Variants in CRBN observed in about 807,000 individuals in gnomAD.
CRBN encodes the protein protein cereblon.
In CRBN, 53 loss-of-function variants were observed where a neutral mutation model predicts 62.2. That is an observed-to-expected ratio of 0.85 (90% CI 0.68 to 1.07). The LOEUF is 1.07. Ranked by LOEUF, CRBN falls within the 50% of genes least tolerant of loss-of-function variation. CRBN has a pLI of 0.00. For synonymous variants in CRBN, 208 were observed against 176.1 expected (o/e 1.18, Z -1.43); for missense variants, 616 against 531.1 (o/e 1.16, Z -1.57).
chr3:3,179,366 T>C (rs1707970629), intron 1 of CRBN, among the ~76,000 whole-genome samples: 2 of 152,092 alleles, frequency 1.3e-5, no homozygotes, highest in South Asian at 4.1e-4. Context: ...ATGGAGAGGA[T>C]GGGTTTCCTG....
At chr3:3,151,220 T>C (rs1177954876) in intron 10 of CRBN, among the ~76,000 whole-genome samples, 175 bp from the exon 11 acceptor site, 5 of 152,234 alleles carry the variant, frequency 3.3e-5, no homozygotes. Context: ...AAACATTTTC[T>C]AATTTTGTAA....
At chr3:3,155,300 C>T (rs1706837067) in intron 6 of CRBN, 1 of 158,482 alleles carries the variant, frequency 6.3e-6, no homozygotes, top group African/African-American at 2.4e-5. Flanking sequence ...TGCTGAAAAG[C>T]TGCTAAAGAG....
At position 3,150,847 on chromosome 3, in the gene CRBN, T is replaced by TC; in HGVS notation, c.*17_*18insG. 2.8e-6 allele frequency: 4 copies of TC among 1,428,192 alleles called. No homozygotes were observed. Among genetic ancestry groups the TC allele is most frequent in the Non-Finnish European group, 3.9e-6 (4 of 1,028,836 alleles). The allele number at this position is 1,428,192 out of a possible 1,614,324, so 88.5% of individuals were successfully genotyped here. On this transcript the variant is annotated 3_prime_UTR_variant, in exon 11 of 11. Transcript: ENST00000231948. ...ATATAACCAATTTGTTAGATAACTTTATCTCTATCACATCTGTTTACAAGC... is the reference window on the plus strand; with the variant it reads ...ATATAACCAATTTGTTAGATAACTTTCATCTCTATCACATCTGTTTACAAGC...
chr3:3,153,082 G>A, intron 9 of CRBN: 1 of 308,926 alleles, frequency 3.2e-6, no homozygotes, highest in East Asian at 8.1e-5. Flanking sequence ...GCCCTATATG[G>A]CAAAACTGAT....
At chr3:3,155,129 CCTT>C in intron 6 of CRBN, 2 of 404,034 alleles carry the variant, frequency 5.0e-6, no homozygotes, top group Non-Finnish European at 4.5e-6. Context: ...CTCTCTTCTG[CCTT>C]CTATTAGGCC....
At chr3:3,153,322 G>A (rs1377006464) in intron 9 of CRBN, 102 bp downstream of exon 9, 1 of 728,690 alleles carries the variant, frequency 1.4e-6, no homozygotes, top group African/African-American at 1.8e-5. Flanking sequence ...CTAAATGTTT[G>A]TAACTTTAAG....
chr3:3,170,254 T>A (rs1379540097), intron 4 of CRBN, among the ~76,000 whole-genome samples: 2 of 152,230 alleles, frequency 1.3e-5, no homozygotes, highest in East Asian at 3.8e-4. Flanking sequence ...GGGCTGAAAT[T>A]ACAGGTATGA....
At chr3:3,153,263 C>G in intron 9 of CRBN, 161 bp downstream of exon 9, 2 of 581,266 alleles carry the variant, frequency 3.4e-6, no homozygotes. Flanking sequence ...AGTACCCAAT[C>G]TGGAAGATGG....
At chr3:3,166,957 C>T (rs926808430) in intron 5 of CRBN, among the ~76,000 whole-genome samples, 1 of 151,592 alleles carries the variant, frequency 6.6e-6, no homozygotes, top group African/African-American at 2.4e-5. Flanking sequence ...CTCAAAAAGC[C>T]CAATTATTCT....
chr3:3,152,990 A>G (rs1353236341), intron 9 of CRBN: 1 of 296,352 alleles, frequency 3.4e-6, no homozygotes. Flanking sequence ...TTGATTTACA[A>G]CTGATGGATT....
intron 9 of CRBN, chr3:3,153,203 T>C: frequency 2.0e-6 from 1 of 489,752 alleles, no homozygotes; most frequent in Non-Finnish European, 3.7e-6. Context: ...TTGTTTTACT[T>C]TACCATGCTC....
chr3:3,151,006 G>T lies in CRBN; in HGVS notation c.1188C>A (p.Ser396Arg). The T allele has an allele frequency of 6.2e-7, 1 of 1,613,906 alleles. No individual in the cohort carries two copies. Residue 396 changes from serine to arginine, a missense_variant, in exon 11 of 11, where the codon AGC (serine) becomes AGA (arginine). By Grantham distance (110) the Ser-to-Arg change is moderately radical (BLOSUM62 -1). Coordinates refer to ENST00000231948, the MANE Select transcript of CRBN (RefSeq NM_016302.4). ...TGGCCGTAAACTTCCATCCAATATG[G>T]CTTGCACAGATCTTACACTGGGCAA... ...WTVAQCKICA[S>R]HIGWKFTATK...
chr3:3,161,569 A>C (rs1161669529), intron 5 of CRBN, among the ~76,000 whole-genome samples: 3 of 152,168 alleles, frequency 2.0e-5, no homozygotes, highest in Non-Finnish European at 2.9e-5. Flanking sequence ...TTGTATATTT[A>C]GTAGAGACGG....
Position 3,175,206 on chromosome 3 carries a change from G to T in CRBN, c.131C>A (p.Pro44Gln). The T allele has an allele frequency of 6.2e-7, 1 of 1,613,086 alleles. No individual in the cohort carries two copies. The highest frequency in any genetic ancestry group is 8.5e-7 in the Non-Finnish European group (1 of 1,179,552). ...ACTGGTGTCAAAATTTATGATGTTT[G>T]GTTTTTTGGCTTCTTTACTATCCTG... ...EDQDSKEAKK[P>Q]NIINFDTSLP... Residue 44 changes from proline (P) to glutamine (Q), a missense_variant, in exon 2 of 11, where the codon CCA (proline) becomes CAA (glutamine). Transcript: ENST00000231948.
rs1362334579 is a variant in CRBN at position 3,150,451 on chromosome 3, A to ACAGATACGCTGTCCCATACATCAGGAT, written c.*387_*413dup. 13 of 181,778 alleles carry ACAGATACGCTGTCCCATACATCAGGAT rather than the reference A, an allele frequency of 7.2e-5. No individual in the cohort carries two copies. Among genetic ancestry groups the ACAGATACGCTGTCCCATACATCAGGAT allele is most frequent in the Admixed American group, 6.7e-4 (12 of 17,824 alleles). The allele number at this position is 181,778 out of a possible 1,614,324, so 11.3% of individuals were successfully genotyped here. ...AGCTTTTGTTATTTAGAGCACTGGT[A>ACAGATACGCTGTCCCATACATCAGGAT]CAGATACGCTGTCCCATACATCAGG... On this transcript the variant is annotated 3_prime_UTR_variant, in exon 11 of 11. Coordinates refer to ENST00000231948, the MANE Select transcript of CRBN (RefSeq NM_016302.4).
intron 2 of CRBN, 49 bp downstream of exon 2, chr3:3,175,114 A>T: frequency 8.1e-7 from 1 of 1,229,370 alleles, no homozygotes; most frequent in Non-Finnish European, 1.2e-6. Context: ...ACTTTTATCT[A>T]CATTTAAATG....
intron 5 of CRBN, among the ~76,000 whole-genome samples, chr3:3,163,788 T>C (rs144071352): frequency 6.6e-6 from 1 of 152,324 alleles, no homozygotes; most frequent in African/African-American, 2.4e-5. Context: ...AATACAGGCA[T>C]ACTGTGATTC....
chr3:3,170,717 C>A (rs900793057), intron 4 of CRBN, among the ~76,000 whole-genome samples: 1 of 152,156 alleles, frequency 6.6e-6, no homozygotes, highest in Admixed American at 6.5e-5. Flanking sequence ...ACAGACATAC[C>A]CTTATGAGAG....
rs1204893991 is a variant in CRBN, at chr3:3,179,525, GGCGCCCCCAC to G, written c.67+86_67+95del. 21 of 1,250,468 alleles carry G rather than the reference GGCGCCCCCAC, an allele frequency of 1.7e-5. No individual in the cohort carries two copies. In the African/African-American group the frequency reaches 2.5e-4, roughly 15 times the overall value. 77.5% of individuals were successfully genotyped at this position (1,250,468 alleles called of 1,614,324 possible). ...CCTGCTGGGCTGGCTCGCCAGGCTT[GGCGCCCCCAC>G]GCCCGCCTCCCAGGCCCAGCTGCAC... On this transcript the variant is annotated intron_variant, in intron 1 of 10. Transcript: ENST00000231948.
Sources: allele counts gnomAD v4.1 joint callset (sites outside exome capture counted in the v4.1 genomes callset), GRCh38; gene constraint gnomAD v4.1.1; transcripts MANE v1.5; gene names NCBI Gene and HGNC (gene_info 2026-07-23, HGNC 2026-07-21).